The following ROBO2 variants were observed in gnomAD, a reference collection of about 807,000 sequenced individuals.
The protein encoded by ROBO2 is roundabout guidance receptor 2.
A neutral mutation model predicts 160.8 loss-of-function variants in ROBO2; 53 were observed. That is an observed-to-expected ratio of 0.33 (90% CI 0.26 to 0.41). The LOEUF (loss-of-function observed/expected upper bound fraction) is 0.41, where lower values mean the gene tolerates loss of function less well. Ranked by LOEUF, ROBO2 falls within the 10% of genes least tolerant of loss-of-function variation. The pLI, the probability that ROBO2 is intolerant of heterozygous loss-of-function variation, is 1.00. For synonymous variants in ROBO2, 664 were observed against 611.7 expected, an observed-to-expected ratio of 1.09 and a Z score of -1.26; for missense variants, 1,577 against 1,722.4, an observed-to-expected ratio of 0.92 and a Z score of 1.49.
At chr3:76,785,102 A>G (rs1286137254) in intron 2 of ROBO2, among the ~76,000 whole-genome samples, 2 of 151,144 alleles carry the variant, frequency 1.3e-5, no homozygotes, top group Admixed American at 1.3e-4. Flanking sequence ...TCATTCCCAC[A>G]TATCTTTTTT....
At chr3:76,552,707 A>G (rs1021870603) in intron 2 of ROBO2, among the ~76,000 whole-genome samples, 3 of 152,196 alleles carry the variant, frequency 2.0e-5, no homozygotes, top group African/African-American at 7.2e-5. Context: ...TATATAATCT[A>G]TATTTGAGTG....
chr3:76,888,183 T>C lies in ROBO2; in HGVS notation c.110-209831T>C, dbSNP rs183029466. Among the ~76,000 whole-genome samples, 225 of 152,156 alleles carry C rather than the reference T, an allele frequency of 1.5e-3. 1 individual carries two copies. Among genetic ancestry groups the C allele is most frequent in the African/African-American group, 5.2e-3 (214 of 41,502 alleles). Reference sequence around the variant, plus strand: ...GGGAGTTGGTGACCAGCCTGGCTAATGTGGTGAAACCCCGTCTCCACTAAA... The same window carrying C: ...GGGAGTTGGTGACCAGCCTGGCTAACGTGGTGAAACCCCGTCTCCACTAAA... On this transcript the variant is annotated intron_variant, in intron 2 of 26. Transcript: ENST00000487694.
At chr3:76,256,732 G>A (rs34472737) in intron 2 of ROBO2, among the ~76,000 whole-genome samples, 5,574 of 151,956 alleles carry the variant, frequency 0.037, 129 homozygotes, top group Non-Finnish European at 0.052. Context: ...CTCTTGCATT[G>A]CTATAAAGAA....
At chr3:76,671,695 T>C (rs2092268223) in intron 2 of ROBO2, among the ~76,000 whole-genome samples, 3 of 152,094 alleles carry the variant, frequency 2.0e-5, no homozygotes, top group African/African-American at 7.2e-5. Context: ...AGTATATAAA[T>C]ATTTCATTTA....
chr3:76,596,726 G>A (rs558416499), intron 2 of ROBO2, among the ~76,000 whole-genome samples: 1 of 152,160 alleles, frequency 6.6e-6, no homozygotes, highest in African/African-American at 2.4e-5. Flanking sequence ...CCTGGATTAA[G>A]TGGTCTACTT....
chr3:77,457,099 A>G (rs1041326483), intron 2 of ROBO2, among the ~76,000 whole-genome samples: 1 of 152,200 alleles, frequency 6.6e-6, no homozygotes. Context: ...AGCAATCTAC[A>G]GGCACTATTA....
Position 76,055,836 on chromosome 3 carries a change from G to T in ROBO2, c.109+118234G>T, listed in dbSNP as rs890661734. Among the ~76,000 whole-genome samples the T allele has an allele frequency of 1.3e-5, 2 of 152,026 alleles. 1 individual carries two copies. The highest frequency in any genetic ancestry group is 4.1e-4 in the South Asian group (2 of 4,824). Reference sequence around the variant, plus strand: ...TGCAGTGGCGCGATCTCGGCTCACCGCAACCTCTGCCTCCTGGGTTCAAGC... The same window carrying T: ...TGCAGTGGCGCGATCTCGGCTCACCTCAACCTCTGCCTCCTGGGTTCAAGC... On this transcript the variant is annotated intron_variant, in intron 2 of 26. Transcript: ENST00000487694.
At chr3:76,239,358 A>ATG (rs1468593101) in intron 2 of ROBO2, among the ~76,000 whole-genome samples, 14 of 19,310 alleles carry the variant, frequency 7.3e-4, no homozygotes, top group East Asian at 3.7e-3. Context: ...GAATACGTAT[A>ATG]TGTATATATA....
At chr3:77,376,294 A>G (rs892628773) in intron 2 of ROBO2, among the ~76,000 whole-genome samples, 2 of 149,804 alleles carry the variant, frequency 1.3e-5, no homozygotes, top group African/African-American at 2.5e-5. Context: ...AGCAGGTATT[A>G]CAGGCCTGCA....
At chr3:76,207,564 A>G (rs1048485512) in intron 2 of ROBO2, among the ~76,000 whole-genome samples, 4 of 152,326 alleles carry the variant, frequency 2.6e-5, no homozygotes, top group Middle Eastern at 6.8e-3. Flanking sequence ...TTTTGTTCAC[A>G]TATTCACTAA....
chr3:77,339,379 G>C (rs1180945626), intron 2 of ROBO2, among the ~76,000 whole-genome samples: 1 of 152,064 alleles, frequency 6.6e-6, no homozygotes, highest in East Asian at 1.9e-4. Context: ...TGGTGAGCTT[G>C]AAAGTTCCAA....
At chr3:76,191,107 G>T (rs1046882258) in intron 2 of ROBO2, among the ~76,000 whole-genome samples, 2 of 152,096 alleles carry the variant, frequency 1.3e-5, no homozygotes, top group African/African-American at 4.8e-5. Flanking sequence ...GTGCTAATGG[G>T]CAGGTTTAGA....
At chr3:76,032,634 C>T (rs1477745094) in intron 2 of ROBO2, among the ~76,000 whole-genome samples, 1 of 152,082 alleles carries the variant, frequency 6.6e-6, no homozygotes, top group African/African-American at 2.4e-5. Flanking sequence ...CATTCAGGAG[C>T]AGGTTGTTTA....
chr3:76,431,922 A>G (rs1264270374), intron 2 of ROBO2, among the ~76,000 whole-genome samples: 1 of 152,196 alleles, frequency 6.6e-6, no homozygotes, highest in Non-Finnish European at 1.5e-5. Context: ...TGAAAGGTCA[A>G]AAATTAGATA....
intron 2 of ROBO2, among the ~76,000 whole-genome samples, chr3:76,908,349 G>A (rs1286935972): frequency 6.6e-6 from 1 of 152,138 alleles, no homozygotes; most frequent in Non-Finnish European, 1.5e-5. Context: ...TTTTGGTACT[G>A]TTCCAACTTT....
At chr3:76,907,856 T>TGTGTGTGTGTGTG (rs2075716891) in intron 2 of ROBO2, among the ~76,000 whole-genome samples, 14 of 72,588 alleles carry the variant, frequency 1.9e-4, no homozygotes, top group African/African-American at 5.0e-4. Flanking sequence ...GTGTGTGTGT[T>TGTGTGTGTGTGTG]TGAGATGGAG....
At chr3:76,107,810 TTTCCCACA>T (rs2070016092) in intron 2 of ROBO2, among the ~76,000 whole-genome samples, 1 of 152,110 alleles carries the variant, frequency 6.6e-6, no homozygotes, top group South Asian at 2.1e-4. Context: ...TTTTCTTATT[TTTCCCACA>T]TGAATGAATT....
At chr3:76,456,257 C>G (rs1036033064) in intron 2 of ROBO2, among the ~76,000 whole-genome samples, 2 of 152,074 alleles carry the variant, frequency 1.3e-5, no homozygotes, top group African/African-American at 4.8e-5. Flanking sequence ...CCCATTAAAC[C>G]AGGAGGAGTT....
At chr3:76,043,745 T>C (rs1158493241) in intron 2 of ROBO2, among the ~76,000 whole-genome samples, 1 of 151,862 alleles carries the variant, frequency 6.6e-6, no homozygotes, top group African/African-American at 2.4e-5. Context: ...CAGAAGCACT[T>C]ATCTACTTAA....
Sources: gnomAD v4.1 joint callset for allele counts (sites outside exome capture counted in the v4.1 genomes callset) on GRCh38, gnomAD v4.1.1 for gene constraint, MANE v1.5 for transcripts, NCBI Gene and HGNC (gene_info 2026-07-23, HGNC 2026-07-21) for gene names.